The following SPRED2 variants were observed in gnomAD, a reference collection of about 807,000 sequenced individuals.
The protein encoded by SPRED2 is sprouty-related, EVH1 domain-containing protein 2.
In SPRED2, 47 loss-of-function variants were observed where a neutral mutation model predicts 43.0. The observed-to-expected ratio is 1.09, with a 90% CI of 0.87 to 1.40. The LOEUF is 1.40. SPRED2 is among the 40% of genes most tolerant of loss of function. The pLI is 0.00. For synonymous variants in SPRED2, 225 were observed against 225.7 expected (o/e 1.00, Z 0.03); for missense variants, 561 against 586.4 (o/e 0.96, Z 0.45).
chr2:65,315,455 C>T (rs1400732139), intron 5 of SPRED2, among the ~76,000 whole-genome samples: 1 of 152,144 alleles, frequency 6.6e-6, no homozygotes, highest in Admixed American at 6.5e-5. Flanking sequence ...CACTTCCTAC[C>T]AGAGGGCAGG....
At chr2:65,422,077 A>AACACACAC (rs367817858) in intron 1 of SPRED2, among the ~76,000 whole-genome samples, 1,644 of 127,484 alleles carry the variant, frequency 0.013, 14 homozygotes, top group Middle Eastern at 0.018. Flanking sequence ...TTGTATGTAC[A>AACACACAC]ACACACACAC....
At chr2:65,422,516 A>G (rs1237578868) in intron 1 of SPRED2, among the ~76,000 whole-genome samples, 1 of 152,198 alleles carries the variant, frequency 6.6e-6, no homozygotes, top group African/African-American at 2.4e-5. Flanking sequence ...AGTGAATGGC[A>G]CATGGTAGGC....
At chr2:65,308,402 G>T (rs979894231), downstream of SPRED2, 1 of 985,326 alleles carries the variant, frequency 1.0e-6, no homozygotes, top group African/African-American at 1.7e-5. Context: ...GAACATACCT[G>T]GAGGGGTCAG....
chr2:65,348,104 G>T (rs1448584679), intron 1 of SPRED2, among the ~76,000 whole-genome samples: 1 of 152,026 alleles, frequency 6.6e-6, no homozygotes, highest in Non-Finnish European at 1.5e-5. Flanking sequence ...GGTCCCACTG[G>T]CCTCCATATT....
chr2:65,384,718 C>CT (rs1188598242), intron 1 of SPRED2, among the ~76,000 whole-genome samples: 4 of 152,180 alleles, frequency 2.6e-5, no homozygotes, highest in African/African-American at 9.7e-5. Flanking sequence ...TCAAGGAAGA[C>CT]TTCAAGACAA....
intron 1 of SPRED2, among the ~76,000 whole-genome samples, chr2:65,377,400 T>C (rs930135390): frequency 6.6e-6 from 1 of 152,216 alleles, no homozygotes; most frequent in Non-Finnish European, 1.5e-5. Flanking sequence ...GGATTGGTAT[T>C]TGTGAAAGGA....
At chr2:65,415,101 T>C (rs2103776085) in intron 1 of SPRED2, among the ~76,000 whole-genome samples, 1 of 152,382 alleles carries the variant, frequency 6.6e-6, no homozygotes, top group South Asian at 2.1e-4. Context: ...CAAAATGTTT[T>C]AATCATACTA....
At chr2:65,370,771 T>A (rs1444140128) in intron 1 of SPRED2, among the ~76,000 whole-genome samples, 1 of 152,158 alleles carries the variant, frequency 6.6e-6, no homozygotes, top group Non-Finnish European at 1.5e-5. Flanking sequence ...TGCCTGTTGG[T>A]CTTTCCATCT....
At chr2:65,426,447 C>T (rs900127023) in intron 1 of SPRED2, among the ~76,000 whole-genome samples, 1 of 152,154 alleles carries the variant, frequency 6.6e-6, no homozygotes, top group African/African-American at 2.4e-5. Context: ...GTTGGGCCAA[C>T]AACTAGAAAA....
chr2:65,430,478 G>A (rs2103825044), intron 1 of SPRED2, among the ~76,000 whole-genome samples: 1 of 152,298 alleles, frequency 6.6e-6, no homozygotes, highest in East Asian at 1.9e-4. Context: ...AGGATAAAGG[G>A]GGTATATTTA....
chr2:65,344,136 CAAAAAAAAAAAAA>C (rs147613284), intron 2 of SPRED2: 1 of 73,262 alleles, frequency 1.4e-5, no homozygotes, highest in African/African-American at 4.7e-5. Flanking sequence ...GACTCCGTCT[CAAAAAAAAAAAAA>C]AAAAAAAAAA....
At chr2:65,308,389 T>C (rs1302961223), downstream of SPRED2, 1 of 985,360 alleles carries the variant, frequency 1.0e-6, no homozygotes, top group African/African-American at 1.7e-5. Context: ...TCCTTGGAGC[T>C]GTGAACATAC....
chr2:65,342,084 TCA>T (rs1421060039), intron 2 of SPRED2, among the ~76,000 whole-genome samples: 1 of 151,334 alleles, frequency 6.6e-6, no homozygotes, highest in African/African-American at 2.4e-5. Flanking sequence ...GATAATTAAT[TCA>T]CAGTTATAAC....
intron 1 of SPRED2, among the ~76,000 whole-genome samples, chr2:65,421,691 C>T (rs906042002): frequency 6.6e-6 from 1 of 151,974 alleles, no homozygotes; most frequent in Admixed American, 6.5e-5. Context: ...AAAAGGCCAC[C>T]TGGATTGGCA....
At chr2:65,333,269 A>G (rs1275355672) in intron 3 of SPRED2, among the ~76,000 whole-genome samples, 1 of 152,022 alleles carries the variant, frequency 6.6e-6, no homozygotes, top group East Asian at 1.9e-4. Flanking sequence ...CAAAAAAAAA[A>G]AAAAAAGAAA....
At chr2:65,317,973 A>T (rs1673294623) in intron 4 of SPRED2, among the ~76,000 whole-genome samples, 1 of 152,144 alleles carries the variant, frequency 6.6e-6, no homozygotes, top group Non-Finnish European at 1.5e-5. Flanking sequence ...CAGATCCCAC[A>T]GGCACCCAGT....
At chr2:65,416,193 G>T (rs1476749075) in intron 1 of SPRED2, among the ~76,000 whole-genome samples, 2 of 152,214 alleles carry the variant, frequency 1.3e-5, no homozygotes, top group African/African-American at 4.8e-5. Flanking sequence ...GATTCAATCG[G>T]TCTACGGATG....
At chr2:65,403,356 C>G (rs1343433110) in intron 1 of SPRED2, among the ~76,000 whole-genome samples, 1 of 152,170 alleles carries the variant, frequency 6.6e-6, no homozygotes, top group African/African-American at 2.4e-5. Context: ...TCACTGCAGC[C>G]TCGAACTCTT....
At chr2:65,410,176 G>A (rs1406493840) in intron 1 of SPRED2, among the ~76,000 whole-genome samples, 1 of 152,142 alleles carries the variant, frequency 6.6e-6, no homozygotes, top group Non-Finnish European at 1.5e-5. Context: ...GTTCGAGGCT[G>A]CAGTGAGCTT....
Sources: allele counts gnomAD v4.1 joint callset (sites outside exome capture counted in the v4.1 genomes callset), GRCh38; gene constraint gnomAD v4.1.1; transcripts MANE v1.5; gene names NCBI Gene and HGNC (gene_info 2026-07-23, HGNC 2026-07-21).